The following WWOX variants were observed in gnomAD, a reference collection of about 807,000 sequenced individuals.
The protein encoded by WWOX is WW domain containing oxidoreductase.
WWOX carries 69 observed loss-of-function variants against 46.2 expected under a neutral mutation model. The ratio of observed to expected loss-of-function variants is 1.49; its 90% CI spans 1.23 to 1.82. WWOX has a LOEUF of 1.82. Among genes scored for constraint, WWOX ranks in the 40% most tolerant of loss-of-function variants. The pLI is 0.00. For synonymous variants in WWOX, 359 were observed against 202.6 expected, an observed-to-expected ratio of 1.77 and a Z score of -6.56; for missense variants, 919 against 542.6, an observed-to-expected ratio of 1.69 and a Z score of -6.89.
At chr16:78,382,675 G>A (rs998757518) in intron 5 of WWOX, among the ~76,000 whole-genome samples, 3 of 152,304 alleles carry the variant, frequency 2.0e-5, no homozygotes, top group South Asian at 2.1e-4. Context: ...TAGATGGCAT[G>A]TGCTAATTCT....
chr16:78,414,432 G>A (rs543683973), intron 6 of WWOX, among the ~76,000 whole-genome samples: 20 of 152,256 alleles, frequency 1.3e-4, no homozygotes, highest in African/African-American at 4.8e-4. Context: ...AGCTGGGCAT[G>A]GTGCTGTGCA....
At chr16:78,863,789 C>G (rs533049897) in intron 8 of WWOX, among the ~76,000 whole-genome samples, 1 of 152,252 alleles carries the variant, frequency 6.6e-6, no homozygotes, top group East Asian at 1.9e-4. Flanking sequence ...CTATCACAGG[C>G]ATAGTGAGTT....
intron 8 of WWOX, among the ~76,000 whole-genome samples, chr16:78,476,662 A>G (rs2084355822): frequency 6.6e-6 from 1 of 152,158 alleles, no homozygotes; most frequent in Non-Finnish European, 1.5e-5. Flanking sequence ...TTTTCATTTC[A>G]AGACCCGTCC....
intron 5 of WWOX, among the ~76,000 whole-genome samples, chr16:78,212,041 G>A (rs1002137001): frequency 7.9e-5 from 12 of 152,198 alleles, no homozygotes; most frequent in African/African-American, 2.9e-4. Context: ...ATTATTTGGT[G>A]TATTTGGGAA....
intron 6 of WWOX, among the ~76,000 whole-genome samples, chr16:78,404,517 T>G (rs934275029): frequency 2.0e-5 from 3 of 152,176 alleles, no homozygotes; most frequent in African/African-American, 4.8e-5. Context: ...CTTCTTCTAT[T>G]TGTATGAATA....
At chr16:78,637,196 C>T (rs757429054) in intron 8 of WWOX, among the ~76,000 whole-genome samples, 5 of 152,164 alleles carry the variant, frequency 3.3e-5, no homozygotes, top group African/African-American at 1.2e-4. Flanking sequence ...CTGAAGCGGG[C>T]AGATCACCTG....
chr16:78,722,176 C>T lies in WWOX; in HGVS notation c.1056+289424C>T, dbSNP rs193235832. 3.2e-3 allele frequency among the ~76,000 whole-genome samples: 482 copies of T among 152,276 alleles called. 2 individuals are homozygous for T. Among genetic ancestry groups the T allele is most frequent in the African/African-American group, 0.011 (461 of 41,554 alleles). On this transcript the variant is annotated intron_variant, in intron 8 of 8. Transcript: ENST00000566780. Reference sequence around the variant, plus strand: ...AGCACGTGGCTCACTCCCTGTCTGTCCAGTAGAGGACACCAAGGCACGATG... The same window carrying T: ...AGCACGTGGCTCACTCCCTGTCTGTTCAGTAGAGGACACCAAGGCACGATG...
chr16:78,935,238 G>A (rs1410669175), intron 8 of WWOX, among the ~76,000 whole-genome samples: 1 of 152,122 alleles, frequency 6.6e-6, no homozygotes, highest in Admixed American at 6.5e-5. Flanking sequence ...ATTTGACCCA[G>A]CCATCCCATT....
Position 79,070,333 on chromosome 16 carries a change from C to A in WWOX, c.1057-141275C>A, listed in dbSNP as rs139557306. ...TTTCCAGAAACCAACTGGGAAGGGC[C>A]CTAAGCTGAGATTACTGTTGAGAAG... On this transcript the variant is annotated intron_variant, in intron 8 of 8. Transcript: ENST00000566780. Among the ~76,000 whole-genome samples, 94 of 149,986 alleles carry A rather than the reference C, an allele frequency of 6.3e-4. 1 individual carries two copies. The East Asian group carries it at 0.017, about 28-fold the overall frequency.
At chr16:78,422,370 T>C (rs2082953158) in intron 6 of WWOX, among the ~76,000 whole-genome samples, 1 of 151,836 alleles carries the variant, frequency 6.6e-6, no homozygotes, top group African/African-American at 2.4e-5. Flanking sequence ...TTTTTTGATT[T>C]GGAAACAGAG....
intron 8 of WWOX, among the ~76,000 whole-genome samples, chr16:78,648,642 C>G (rs1007836872): frequency 7.2e-5 from 11 of 152,196 alleles, no homozygotes; most frequent in Non-Finnish European, 8.8e-5. Context: ...GCTCCCCAAA[C>G]CAATCATACA....
intron 5 of WWOX, chr16:78,355,765 G>A: frequency 1.4e-6 from 1 of 701,866 alleles, no homozygotes. Context: ...CAACAAAACA[G>A]AATATTCCAG....
At chr16:78,187,579 G>C (rs772296418) in intron 5 of WWOX, among the ~76,000 whole-genome samples, 1 of 152,140 alleles carries the variant, frequency 6.6e-6, no homozygotes, top group Admixed American at 6.5e-5. Context: ...CTCCAGCCTG[G>C]TCCACACACA....
chr16:78,410,770 C>T (rs148162108), intron 6 of WWOX, among the ~76,000 whole-genome samples: 313 of 145,040 alleles, frequency 2.2e-3, no homozygotes, highest in African/African-American at 7.6e-3. Flanking sequence ...CACACCACTG[C>T]ACTCCAGCCT....
intron 8 of WWOX, among the ~76,000 whole-genome samples, chr16:79,197,314 A>G (rs931534106): frequency 6.6e-6 from 1 of 152,178 alleles, no homozygotes; most frequent in Non-Finnish European, 1.5e-5. Flanking sequence ...ACAGGTCATC[A>G]CCAAGGGACT....
Position 78,346,651 on chromosome 16 carries a change from T to A in WWOX, c.517-40209T>A, listed in dbSNP as rs904705724. On this transcript the variant is annotated intron_variant, in intron 5 of 8. Transcript: ENST00000566780. ...TTAATTGTGAAATATGTGAGTATGATGAGTAATGATTTTGAACATGAAAAC... is the reference window on the plus strand; with the variant it reads ...TTAATTGTGAAATATGTGAGTATGAAGAGTAATGATTTTGAACATGAAAAC... Among the ~76,000 whole-genome samples, 10 of 120,166 alleles carry A rather than the reference T, an allele frequency of 8.3e-5. 5 individuals are homozygous for A. Among genetic ancestry groups the A allele is most frequent in the Non-Finnish European group, 2.0e-4 (10 of 50,396 alleles). 78.8% of individuals were successfully genotyped at this position (120,166 alleles called of 152,430 possible). A position where few individuals can be genotyped will look rare whatever the true frequency, so the allele number is the denominator to read the frequency against.
At chr16:79,044,538 TCTC>T (rs2048031552) in intron 8 of WWOX, among the ~76,000 whole-genome samples, 1 of 152,170 alleles carries the variant, frequency 6.6e-6, no homozygotes, top group African/African-American at 2.4e-5. Flanking sequence ...TGCTCCGCCT[TCTC>T]CTTCTGCCAT....
At chr16:79,034,953 T>A (rs1597308153) in intron 8 of WWOX, among the ~76,000 whole-genome samples, 2 of 152,296 alleles carry the variant, frequency 1.3e-5, no homozygotes, top group Admixed American at 1.3e-4. Flanking sequence ...TGAAAGACAG[T>A]AAAGGCAAGT....
intron 4 of WWOX, among the ~76,000 whole-genome samples, chr16:78,154,695 C>G (rs2034537809): frequency 6.6e-6 from 1 of 151,956 alleles, no homozygotes; most frequent in Admixed American, 6.6e-5. Flanking sequence ...CCACGCAAAG[C>G]CAAGTGCTAC....
Sources: gnomAD v4.1 joint callset for allele counts (sites outside exome capture counted in the v4.1 genomes callset) on GRCh38, gnomAD v4.1.1 for gene constraint, MANE v1.5 for transcripts, NCBI Gene and HGNC (gene_info 2026-07-23, HGNC 2026-07-21) for gene names.